The following TAF2 variants were observed in gnomAD, a reference collection of about 807,000 sequenced individuals.
The protein encoded by TAF2 is TATA-box binding protein associated factor 2, also known as transcription initiation factor TFIID subunit 2.
In TAF2, 61 loss-of-function variants were observed where a neutral mutation model predicts 138.5. That is an observed-to-expected ratio of 0.44 (90% CI 0.36 to 0.54). The LOEUF is 0.54. Among genes scored for constraint, TAF2 ranks in the 20% least tolerant of loss-of-function variants. The pLI, the probability that TAF2 is intolerant of heterozygous loss-of-function variation, is 0.00. For synonymous variants in TAF2, 475 were observed against 469.9 expected (o/e 1.01, Z -0.14); for missense variants, 1,090 against 1,427.9 (o/e 0.76, Z 3.81).
chr8:119,732,641 C>T (rs1381508556), intron 25 of TAF2, among the ~76,000 whole-genome samples: 1 of 151,692 alleles, frequency 6.6e-6, no homozygotes, highest in Non-Finnish European at 1.5e-5. Context: ...CCATCTTTAC[C>T]AAAAATACAA....
chr8:119,747,488 G>A (rs969705417), intron 22 of TAF2, among the ~76,000 whole-genome samples: 1 of 152,144 alleles, frequency 6.6e-6, no homozygotes, highest in African/African-American at 2.4e-5. Context: ...ATAACTGCCT[G>A]GGTAGAAGTT....
intron 22 of TAF2, among the ~76,000 whole-genome samples, chr8:119,748,209 CAA>C (rs1291297752): frequency 6.6e-6 from 1 of 151,442 alleles, no homozygotes; most frequent in Admixed American, 6.6e-5. Flanking sequence ...ACTGTTGTTT[CAA>C]AAGAGTACCA....
At chr8:119,814,314 CAGTT>C (rs1442720903) in intron 3 of TAF2, among the ~76,000 whole-genome samples, 1 of 151,908 alleles carries the variant, frequency 6.6e-6, no homozygotes, top group Non-Finnish European at 1.5e-5. Flanking sequence ...CATTGTAGCT[CAGTT>C]AAACTATTGC....
intron 2 of TAF2, among the ~76,000 whole-genome samples, chr8:119,827,311 A>G (rs1374172843): frequency 6.6e-6 from 1 of 152,168 alleles, no homozygotes; most frequent in Non-Finnish European, 1.5e-5. Context: ...GAGCTTTTCC[A>G]CACCCTTAAT....
At chr8:119,776,780 G>A (rs1184391412) in intron 18 of TAF2, among the ~76,000 whole-genome samples, 1 of 152,020 alleles carries the variant, frequency 6.6e-6, no homozygotes, top group Non-Finnish European at 1.5e-5. Flanking sequence ...TTCCTACATG[G>A]GTCCTACTCA....
intron 3 of TAF2, among the ~76,000 whole-genome samples, chr8:119,818,874 T>C (rs1825654038): frequency 6.6e-6 from 1 of 152,178 alleles, no homozygotes; most frequent in African/African-American, 2.4e-5. Flanking sequence ...GTAGTATTTA[T>C]CTAAGGTGAA....
At chr8:119,794,686 T>C (rs1823694353) in intron 9 of TAF2, among the ~76,000 whole-genome samples, 2 of 152,192 alleles carry the variant, frequency 1.3e-5, no homozygotes, top group Admixed American at 6.5e-5. Flanking sequence ...TTTGTAACAG[T>C]GCGTGAAATA....
At chr8:119,793,129 C>T (rs1823558137) in intron 10 of TAF2, among the ~76,000 whole-genome samples, 1 of 151,902 alleles carries the variant, frequency 6.6e-6, no homozygotes, top group Non-Finnish European at 1.5e-5. Flanking sequence ...TTTAATGTGG[C>T]ACATTAAAAC....
chr8:119,829,969 G>A (rs114142669), intron 2 of TAF2, among the ~76,000 whole-genome samples: 2,555 of 149,474 alleles, frequency 0.017, 65 homozygotes, highest in African/African-American at 0.06. Flanking sequence ...GCGCGATCTC[G>A]GCTCCCTGCA....
chr8:119,830,257 A>C (rs1246832918), intron 2 of TAF2, among the ~76,000 whole-genome samples: 1 of 152,140 alleles, frequency 6.6e-6, no homozygotes, highest in East Asian at 1.9e-4. Flanking sequence ...TAGGATTAAA[A>C]TATTATCTAT....
At chr8:119,817,391 A>C (rs931704662) in intron 3 of TAF2, among the ~76,000 whole-genome samples, 1 of 152,094 alleles carries the variant, frequency 6.6e-6, no homozygotes, top group Non-Finnish European at 1.5e-5. Context: ...CATGCAAGAG[A>C]TCTAGGTCGC....
intron 22 of TAF2, among the ~76,000 whole-genome samples, chr8:119,753,515 T>C (rs1433634783): frequency 6.6e-6 from 1 of 152,190 alleles, no homozygotes; most frequent in Non-Finnish European, 1.5e-5. Flanking sequence ...CTCATTTATT[T>C]ATAAATCTGA....
intron 3 of TAF2, among the ~76,000 whole-genome samples, chr8:119,809,805 C>T (rs996321060): frequency 6.6e-6 from 1 of 151,932 alleles, no homozygotes; most frequent in South Asian, 2.1e-4. Flanking sequence ...CTGTGGCGTC[C>T]CCAAAACAAT....
At chr8:119,733,014 G>C (rs926821463) in intron 25 of TAF2, among the ~76,000 whole-genome samples, 1 of 152,024 alleles carries the variant, frequency 6.6e-6, no homozygotes, top group Non-Finnish European at 1.5e-5. Flanking sequence ...AGATTTGAAG[G>C]ATGCAAAACC....
At chr8:119,772,702 C>T (rs1286304704) in intron 18 of TAF2, among the ~76,000 whole-genome samples, 3 of 151,910 alleles carry the variant, frequency 2.0e-5, no homozygotes, top group Admixed American at 6.6e-5. Context: ...TTTGGGAGGC[C>T]AAGGTGGGCA....
In TAF2 at chr8:119,832,757, G is replaced by A. The variant is rs374324484; in HGVS notation, c.-193C>T. The A allele has an allele frequency of 2.2e-4, 110 of 507,626 alleles. No homozygotes were observed. The highest frequency in any genetic ancestry group is 1.9e-3 in the African/African-American group (100 of 51,812). 31.4% of individuals were successfully genotyped at this position (507,626 alleles called of 1,614,324 possible). ...CTCCTTCGACTAGCTCCTAGAAGCC[G>A]CCGTCGACAAGCTTCTGTCACAGAG... On this transcript the variant is annotated 5_prime_UTR_variant, in exon 1 of 26. Transcript: ENST00000378164.
At position 119,762,002 on chromosome 8, in the gene TAF2, T is replaced by C. The variant is rs904756181; in HGVS notation, c.2558+413A>G. 4.6e-5 allele frequency among the ~76,000 whole-genome samples: 7 copies of C among 152,106 alleles called. No individual in the cohort carries two copies. In the East Asian group the frequency reaches 5.8e-4, roughly 13 times the overall value. Reference sequence around the variant, plus strand: ...AATCAACTTTTAGCAAACTCTTAAATTGGCAGAACTGCATGATAGCCATAT... The same window carrying C: ...AATCAACTTTTAGCAAACTCTTAAACTGGCAGAACTGCATGATAGCCATAT... On this transcript the variant is annotated intron_variant, in intron 19 of 25. Transcript: ENST00000378164.
rs1168575137 is a variant in TAF2 at position 119,730,988 on chromosome 8, G to C, written c.*936C>G. 1.3e-5 allele frequency: 2 copies of C among 152,074 alleles called. No homozygotes were observed. Among genetic ancestry groups the C allele is most frequent in the African/African-American group, 2.4e-5 (1 of 41,420 alleles). 9.4% of individuals were successfully genotyped at this position (152,074 alleles called of 1,614,324 possible). A position where few individuals can be genotyped will look rare whatever the true frequency, so the allele number is the denominator to read the frequency against. Reference sequence around the variant, plus strand: ...ATAAAGAAATCAAAATATTTCATATGTTTTTAAATGCTTATGGTATGAGAG... The same window carrying C: ...ATAAAGAAATCAAAATATTTCATATCTTTTTAAATGCTTATGGTATGAGAG... On this transcript the variant is annotated 3_prime_UTR_variant, in exon 26 of 26. Transcript: ENST00000378164.
At chr8:119,825,917 C>G (rs1826068602) in intron 2 of TAF2, among the ~76,000 whole-genome samples, 1 of 150,944 alleles carries the variant, frequency 6.6e-6, no homozygotes, top group Admixed American at 6.6e-5. Context: ...TGGTCTCGAT[C>G]TCCTGACCTC....
Sources: gnomAD v4.1 joint callset for allele counts (sites outside exome capture counted in the v4.1 genomes callset) on GRCh38, gnomAD v4.1.1 for gene constraint, MANE v1.5 for transcripts, NCBI Gene and HGNC (gene_info 2026-07-23, HGNC 2026-07-21) for gene names.